LPP: variants seen among roughly 807,000 people sequenced by gnomAD.
The protein encoded by LPP is lipoma-preferred partner.
LPP carries 38 observed loss-of-function variants against 60.4 expected under a neutral mutation model. That is an observed-to-expected ratio of 0.63 (90% CI 0.49 to 0.83). LPP has a LOEUF of 0.83. LPP is among the 40% of genes least tolerant of loss of function. The pLI is 0.00. For synonymous variants in LPP, 328 were observed against 290.8 expected (o/e 1.13, Z -1.30); for missense variants, 902 against 783.6 (o/e 1.15, Z -1.80).
chr3:188,417,915 G>A (rs1426161987), intron 4 of LPP, among the ~76,000 whole-genome samples: 1 of 152,062 alleles, frequency 6.6e-6, no homozygotes, highest in South Asian at 2.1e-4. Flanking sequence ...ATCATTTTTT[G>A]TTTTGTTTTG....
intron 4 of LPP, among the ~76,000 whole-genome samples, chr3:188,428,315 G>A (rs1789993520): frequency 6.6e-6 from 1 of 152,130 alleles, no homozygotes; most frequent in Non-Finnish European, 1.5e-5. Flanking sequence ...CCCACCTTCT[G>A]AGTTGATCTC....
chr3:188,334,424 T>G (rs1025162467), intron 2 of LPP, among the ~76,000 whole-genome samples: 1 of 142,652 alleles, frequency 7.0e-6, no homozygotes, highest in Admixed American at 7.0e-5. Flanking sequence ...ATTTCTTTCT[T>G]TTTTTTTTTT....
At chr3:188,453,511 G>C (rs914372809) in intron 4 of LPP, among the ~76,000 whole-genome samples, 2 of 151,908 alleles carry the variant, frequency 1.3e-5, no homozygotes, top group Non-Finnish European at 1.5e-5. Flanking sequence ...ATCTCCTTCC[G>C]ACGGGATCTG....
chr3:188,266,761 C>T (rs1017426256), intron 2 of LPP, among the ~76,000 whole-genome samples: 2 of 152,114 alleles, frequency 1.3e-5, no homozygotes, highest in African/African-American at 2.4e-5. Context: ...GGTGGCTCTC[C>T]AAGCATTCCA....
chr3:188,358,592 A>G (rs1768280582), intron 3 of LPP, among the ~76,000 whole-genome samples: 1 of 152,186 alleles, frequency 6.6e-6, no homozygotes, highest in African/African-American at 2.4e-5. Context: ...GTAAAGGGAG[A>G]TGCTTTCCAA....
chr3:188,693,302 G>A (rs1251904455), intron 7 of LPP, among the ~76,000 whole-genome samples: 1 of 152,144 alleles, frequency 6.6e-6, no homozygotes, highest in African/African-American at 2.4e-5. Flanking sequence ...TTCCTAATCT[G>A]TACAGTGGGG....
intron 7 of LPP, among the ~76,000 whole-genome samples, chr3:188,631,701 C>T (rs1048537510): frequency 6.6e-6 from 1 of 152,120 alleles, no homozygotes; most frequent in Admixed American, 6.5e-5. Flanking sequence ...ATTAATGACA[C>T]GTGACTTCTG....
chr3:188,306,809 A>G (rs1252224689), intron 2 of LPP, among the ~76,000 whole-genome samples: 1 of 152,214 alleles, frequency 6.6e-6, no homozygotes, highest in Non-Finnish European at 1.5e-5. Context: ...GGTTTTTAAA[A>G]TGTTGGCAGC....
At chr3:188,339,862 T>C (rs796324975) in intron 2 of LPP, among the ~76,000 whole-genome samples, 3 of 152,342 alleles carry the variant, frequency 2.0e-5, no homozygotes, top group South Asian at 2.1e-4. Context: ...CTTGAAACTT[T>C]CCTGGTGAGA....
At chr3:188,397,892 G>C (rs956466130) in intron 3 of LPP, among the ~76,000 whole-genome samples, 2 of 152,064 alleles carry the variant, frequency 1.3e-5, no homozygotes, top group African/African-American at 4.8e-5. Context: ...GGGATTACAG[G>C]TCTGAGCCAC....
intron 6 of LPP, among the ~76,000 whole-genome samples, chr3:188,542,735 C>T (rs931727715): frequency 6.5e-5 from 7 of 106,886 alleles, no homozygotes; most frequent in African/African-American, 2.1e-4. Flanking sequence ...TTGTTTTTGA[C>T]GTTTGACTTG....
chr3:188,867,085 A>G (rs563134999), intron 10 of LPP, among the ~76,000 whole-genome samples: 1 of 152,130 alleles, frequency 6.6e-6, no homozygotes, highest in East Asian at 1.9e-4. Flanking sequence ...CCAGTTATTC[A>G]TGGGCCCAAA....
At chr3:188,731,683 C>T (rs935763256) in intron 8 of LPP, among the ~76,000 whole-genome samples, 27 of 151,816 alleles carry the variant, frequency 1.8e-4, no homozygotes, top group African/African-American at 1.9e-4. Context: ...CCACCATGCC[C>T]GGGTAACTTT....
intron 3 of LPP, among the ~76,000 whole-genome samples, chr3:188,384,825 A>C: frequency 7.2e-6 from 1 of 139,822 alleles, no homozygotes; most frequent in East Asian, 2.0e-4. Flanking sequence ...AAAAAAAAAA[A>C]TTTCAGAAGT....
chr3:188,154,856 C>T (rs1169542507), intron 1 of LPP, among the ~76,000 whole-genome samples: 2 of 152,158 alleles, frequency 1.3e-5, no homozygotes, highest in Non-Finnish European at 2.9e-5. Flanking sequence ...ATGCTAAGTG[C>T]TGGAGCAAAG....
At chr3:188,599,751 G>GGTGTGTGTGTGT (rs71169011) in intron 6 of LPP, among the ~76,000 whole-genome samples, 6,931 of 139,782 alleles carry the variant, frequency 0.05, 240 homozygotes, top group African/African-American at 0.067. Context: ...ACTCGTTAGG[G>GGTGTGTGTGTGT]GTGTGTGTGT....
intron 6 of LPP, among the ~76,000 whole-genome samples, chr3:188,532,564 T>G (rs1417186078): frequency 6.6e-6 from 1 of 152,248 alleles, no homozygotes; most frequent in Non-Finnish European, 1.5e-5. Flanking sequence ...GGGCATAGTT[T>G]GATAGCCTCG....
chr3:188,581,902 G>A (rs1284601465), intron 6 of LPP, among the ~76,000 whole-genome samples: 1 of 151,944 alleles, frequency 6.6e-6, no homozygotes, highest in African/African-American at 2.4e-5. Context: ...CTTACAGTCT[G>A]TGGTTCAATA....
At chr3:188,616,015 A>C (rs1358921123) in intron 7 of LPP, among the ~76,000 whole-genome samples, 3 of 151,910 alleles carry the variant, frequency 2.0e-5, no homozygotes, top group Non-Finnish European at 2.9e-5. Flanking sequence ...GATTGCAAAA[A>C]TTTTCTCCCA....
Sources: gnomAD v4.1 joint callset for allele counts (sites outside exome capture counted in the v4.1 genomes callset) on GRCh38, gnomAD v4.1.1 for gene constraint, MANE v1.5 for transcripts, NCBI Gene and HGNC (gene_info 2026-07-23, HGNC 2026-07-21) for gene names.